WIPF2: variants seen among roughly 807,000 people sequenced by gnomAD.
The protein encoded by WIPF2 is WAS/WASL-interacting protein family member 2.
In WIPF2, 23 loss-of-function variants were observed where a neutral mutation model predicts 38.8. The observed-to-expected ratio is 0.59, with a 90% CI of 0.43 to 0.84. The LOEUF is 0.84. WIPF2 is among the 40% of genes least tolerant of loss of function. The pLI is 0.00. For missense variants in WIPF2, 574 were observed against 580.5 expected (o/e 0.99, Z 0.11); for synonymous variants, 210 against 223.2 (o/e 0.94, Z 0.53).
chr17:40,253,286 T>A (rs2031617421), intron 1 of WIPF2, among the ~76,000 whole-genome samples: 1 of 151,594 alleles, frequency 6.6e-6, no homozygotes, highest in South Asian at 2.1e-4. Flanking sequence ...ATGGTCTCCA[T>A]CTCCTGACCT....
intron 5 of WIPF2, among the ~76,000 whole-genome samples, chr17:40,265,359 A>G (rs1412187739): frequency 5.9e-5 from 9 of 152,250 alleles, no homozygotes; most frequent in Admixed American, 5.9e-4. Flanking sequence ...AATACATAGT[A>G]TGCAGTATGC....
intron 1 of WIPF2, among the ~76,000 whole-genome samples, chr17:40,222,410 C>T (rs984578949): frequency 1.3e-5 from 2 of 150,470 alleles, no homozygotes; most frequent in South Asian, 2.2e-4. Context: ...ATAATCCCAA[C>T]GCTTTGGGAG....
At chr17:40,242,757 T>C (rs138815769) in intron 1 of WIPF2, among the ~76,000 whole-genome samples, 3 of 152,312 alleles carry the variant, frequency 2.0e-5, no homozygotes, top group Non-Finnish European at 4.4e-5. Context: ...GAAAGTGTTA[T>C]TGTCTCATTG....
chr17:40,228,428 G>T (rs761360435), intron 1 of WIPF2, among the ~76,000 whole-genome samples: 3 of 152,100 alleles, frequency 2.0e-5, no homozygotes, highest in Non-Finnish European at 2.9e-5. Flanking sequence ...AAACTATGCT[G>T]CAGTGAAGAA....
chr17:40,226,109 G>A (rs905969618), intron 1 of WIPF2, among the ~76,000 whole-genome samples: 5 of 148,510 alleles, frequency 3.4e-5, no homozygotes, highest in East Asian at 2.0e-4. Flanking sequence ...ATGCTGAATC[G>A]AATAATCTTT....
At chr17:40,252,916 C>T (rs184133822) in intron 1 of WIPF2, among the ~76,000 whole-genome samples, 51 of 151,406 alleles carry the variant, frequency 3.4e-4, no homozygotes, top group African/African-American at 1.1e-3. Context: ...ATCCCATGTG[C>T]CACCATGCCT....
intron 5 of WIPF2, among the ~76,000 whole-genome samples, chr17:40,267,252 G>A (rs2032116216): frequency 6.6e-6 from 1 of 152,142 alleles, no homozygotes; most frequent in Admixed American, 6.6e-5. Context: ...GCATGTTTTA[G>A]GCATGTGCGA....
rs993110363 is a variant in WIPF2 at position 40,279,017 on chromosome 17, T to C, written c.*792T>C. On this transcript the variant is annotated 3_prime_UTR_variant, in exon 8 of 8. Coordinates refer to ENST00000323571, the MANE Select transcript of WIPF2 (RefSeq NM_133264.5). ...AGGGTGCTAGGCTGAGGGATGTTTT[T>C]CCTCCCCCTTACCGCCCATGCCCTT... 6.6e-6 allele frequency: 1 copy of C among 152,158 alleles called. No homozygotes were observed. The highest frequency in any genetic ancestry group is 1.5e-5 in the Non-Finnish European group (1 of 68,056). The allele number at this position is 152,158 out of a possible 1,614,324, so 9.4% of individuals were successfully genotyped here.
chr17:40,236,229 A>T (rs1256718206), intron 1 of WIPF2, among the ~76,000 whole-genome samples: 2 of 151,990 alleles, frequency 1.3e-5, no homozygotes, highest in African/African-American at 4.8e-5. Flanking sequence ...TCAGCCTCCC[A>T]AAGTGCTGGG....
chr17:40,261,925 C>T (rs2031919272), intron 3 of WIPF2, among the ~76,000 whole-genome samples: 1 of 118,878 alleles, frequency 8.4e-6, no homozygotes, highest in African/African-American at 3.0e-5. Flanking sequence ...CCGCCCGCCT[C>T]CGCCTCCGCC....
chr17:40,221,494 G>A (rs1423937962), intron 1 of WIPF2, among the ~76,000 whole-genome samples: 1 of 151,880 alleles, frequency 6.6e-6, no homozygotes, highest in East Asian at 1.9e-4. Context: ...AGCTACTTGG[G>A]AGGCTGAGGC....
chr17:40,271,503 C>G (rs991688187), intron 5 of WIPF2, among the ~76,000 whole-genome samples: 5 of 149,050 alleles, frequency 3.4e-5, no homozygotes, highest in African/African-American at 1.2e-4. Context: ...GACCCTGTCT[C>G]TTAAAAAAAA....
intron 1 of WIPF2, among the ~76,000 whole-genome samples, chr17:40,245,111 C>CT (rs1458380313): frequency 1.3e-5 from 2 of 152,160 alleles, no homozygotes; most frequent in Non-Finnish European, 2.9e-5. Flanking sequence ...TCTGGACAAT[C>CT]TATCTCTAAA....
chr17:40,251,338 ATT>A (rs199868665), intron 1 of WIPF2, among the ~76,000 whole-genome samples: 67 of 139,996 alleles, frequency 4.8e-4, no homozygotes, highest in Non-Finnish European at 4.6e-4. Context: ...GTTTTGGTTC[ATT>A]TTTTTTTTTT....
At chr17:40,261,122 T>C (rs1469999162) in intron 3 of WIPF2, among the ~76,000 whole-genome samples, 3 of 151,500 alleles carry the variant, frequency 2.0e-5, no homozygotes, top group Non-Finnish European at 2.9e-5. Flanking sequence ...TTGAGGACAC[T>C]GTCACATTCC....
intron 1 of WIPF2, among the ~76,000 whole-genome samples, chr17:40,254,142 A>C (rs2145357193): frequency 6.6e-6 from 1 of 151,588 alleles, no homozygotes; most frequent in East Asian, 1.9e-4. Flanking sequence ...TGAGCCTTCC[A>C]AGTAACTGGG....
intron 4 of WIPF2, among the ~76,000 whole-genome samples, chr17:40,263,890 G>A (rs1371928323): frequency 1.3e-5 from 2 of 151,886 alleles, no homozygotes; most frequent in African/African-American, 2.4e-5. Context: ...TATGTGAGGT[G>A]ATGGATATGT....
Position 40,264,877 on chromosome 17 carries a change from C to G in WIPF2, c.701C>G (p.Pro234Arg). Reference protein sequence around the residue: ...PPAPPPVKPPPSPVNIRTGPS... With the variant: ...PPAPPPVKPPRSPVNIRTGPS... Reference sequence around the variant, plus strand: ...GCTCCACCCCCAGTCAAACCACCTCCTTCCCCTGTGAATATCAGAACAGGA... The same window carrying G: ...GCTCCACCCCCAGTCAAACCACCTCGTTCCCCTGTGAATATCAGAACAGGA... Residue 234 changes from proline to arginine, a missense_variant, in exon 5 of 8, where the codon CCT (proline) becomes CGT (arginine). Transcript: ENST00000323571. The G allele has an allele frequency of 6.2e-7, 1 of 1,614,204 alleles. No individual in the cohort carries two copies. The highest frequency in any genetic ancestry group is 1.1e-5 in the South Asian group (1 of 91,088).
At chr17:40,260,783 G>T (rs779560418) in intron 3 of WIPF2, 116 bp downstream of exon 3, 75 of 1,363,260 alleles carry the variant, frequency 5.5e-5, no homozygotes, top group Non-Finnish European at 6.8e-5. Flanking sequence ...CCTGGGATGT[G>T]CTTTGGCTCT....
Sources: allele counts gnomAD v4.1 joint callset (sites outside exome capture counted in the v4.1 genomes callset), GRCh38; gene constraint gnomAD v4.1.1; transcripts MANE v1.5; gene names NCBI Gene and HGNC (gene_info 2026-07-23, HGNC 2026-07-21).